The following DNAI7 variants were observed in gnomAD, a reference collection of about 807,000 sequenced individuals.
DNAI7 encodes the protein cancer susceptibility 1.
DNAI7 carries 78 observed loss-of-function variants against 86.6 expected under a neutral mutation model. The observed-to-expected ratio is 0.90, with a 90% CI of 0.75 to 1.09. DNAI7 has a LOEUF of 1.09. DNAI7 is among the 50% of genes least tolerant of loss of function. The pLI is 0.00. For synonymous variants in DNAI7, 274 were observed against 273.0 expected, an observed-to-expected ratio of 1.00 and a Z score of -0.04; for missense variants, 753 against 810.2, an observed-to-expected ratio of 0.93 and a Z score of 0.86.
At chr12:25,136,383 C>T (rs1423883435) in intron 9 of DNAI7, among the ~76,000 whole-genome samples, 2 of 152,114 alleles carry the variant, frequency 1.3e-5, no homozygotes, top group African/African-American at 4.8e-5. Context: ...AAGGGATCAC[C>T]CTGTGGGACA....
At chr12:25,188,535 T>C (rs1022222896) in intron 2 of DNAI7, among the ~76,000 whole-genome samples, 1 of 151,986 alleles carries the variant, frequency 6.6e-6, no homozygotes, top group African/African-American at 2.4e-5. Context: ...GAACACCTCA[T>C]CTCCAAACTG....
At chr12:25,177,424 T>C (rs1439801024) in intron 2 of DNAI7, among the ~76,000 whole-genome samples, 1 of 152,218 alleles carries the variant, frequency 6.6e-6, no homozygotes, top group African/African-American at 2.4e-5. Context: ...AATACAATAT[T>C]TGCCCTCATT....
chr12:25,150,481 G>A (rs921658049), intron 6 of DNAI7, among the ~76,000 whole-genome samples: 3 of 151,760 alleles, frequency 2.0e-5, no homozygotes, highest in Non-Finnish European at 4.4e-5. Flanking sequence ...GCGGGCGCCT[G>A]TAGGCCCAGC....
intron 13 of DNAI7, among the ~76,000 whole-genome samples, chr12:25,113,288 T>C (rs980339559): frequency 1.9e-5 from 2 of 103,744 alleles, no homozygotes; most frequent in African/African-American, 3.2e-5. Context: ...GCTGTTGTTG[T>C]TGTTGTTGTT....
chr12:25,114,952 C>G, intron 12 of DNAI7, 82 bp from the exon 13 acceptor site: 1 of 1,050,820 alleles, frequency 9.5e-7, no homozygotes, highest in Admixed American at 2.5e-5. Flanking sequence ...AAAAAAATTG[C>G]TTTGTGTATA....
chr12:25,114,095 G>A (rs933119808), intron 13 of DNAI7, among the ~76,000 whole-genome samples: 1 of 151,926 alleles, frequency 6.6e-6, no homozygotes, highest in Non-Finnish European at 1.5e-5. Flanking sequence ...ACAGGTGTGT[G>A]CCACCACGCC....
chr12:25,120,887 G>A (rs1393663142), intron 11 of DNAI7, among the ~76,000 whole-genome samples: 1 of 152,194 alleles, frequency 6.6e-6, no homozygotes, highest in Non-Finnish European at 1.5e-5. Flanking sequence ...GTGGACTGGT[G>A]ATTTTCAAAC....
chr12:25,161,704 T>G (rs10437762), intron 2 of DNAI7, among the ~76,000 whole-genome samples: 152,037 of 152,358 alleles, frequency 1, 75,860 homozygotes, highest in Non-Finnish European at 1. Context: ...TGTGCTCAAA[T>G]GATTTTTACC....
At position 25,154,349 on chromosome 12, in the gene DNAI7, T is replaced by C; in HGVS notation, c.408A>G (p.Glu136=). ...WKEKTNETFE[E]VIEKSKVVLN... ...GCACTACTTTACTCTTCTCAATCAC[T>C]TCCTCAAAAGTCTCATTTGTTTTCT... Residue 136 remains glutamate, a synonymous_variant, in exon 6 of 16, where the codon GAA becomes GAG. Transcript: ENST00000395987. The C allele has an allele frequency of 6.2e-7, 1 of 1,610,078 alleles. No individual in the cohort carries two copies. The highest frequency in any genetic ancestry group is 8.5e-7 in the Non-Finnish European group (1 of 1,179,118).
At chr12:25,190,667 A>C in intron 1 of DNAI7, 36 bp from the exon 2 acceptor site, 1 of 1,276,032 alleles carries the variant, frequency 7.8e-7, no homozygotes, top group South Asian at 1.5e-5. Flanking sequence ...GATCAATTTT[A>C]AAGACAATTC....
intron 8 of DNAI7, 80 bp downstream of exon 8, chr12:25,146,921 A>G: frequency 2.6e-6 from 2 of 761,066 alleles, no homozygotes; most frequent in Non-Finnish European, 4.6e-6. Flanking sequence ...CTGCTATGCA[A>G]TAGGCATCTA....
At position 25,114,716 on chromosome 12, in the gene DNAI7, A is replaced by T; in HGVS notation, c.1551T>A (p.Asp517Glu). ...PYQSWELRPL[D>E]VNKVLLTVTT... ...TCACAGTTAAAAGTACTTTATTTACATCAAGTGGTCTTAGTTCCCATGACT... is the reference window on the plus strand; with the variant it reads ...TCACAGTTAAAAGTACTTTATTTACTTCAAGTGGTCTTAGTTCCCATGACT... Residue 517 changes from aspartate (D) to glutamate (E), a missense_variant, in exon 13 of 16, where the codon GAT (aspartate) becomes GAA (glutamate). Asp to Glu is a conservative substitution (Grantham distance 45, BLOSUM62 2). Transcript: ENST00000395987. The T allele has an allele frequency of 1.2e-6, 2 of 1,614,020 alleles. No individual in the cohort carries two copies. The highest frequency in any genetic ancestry group is 1.3e-5 in the African/African-American group (1 of 75,070).
chr12:25,179,827 G>A (rs1353683341), intron 2 of DNAI7, among the ~76,000 whole-genome samples: 1 of 151,696 alleles, frequency 6.6e-6, no homozygotes, highest in Non-Finnish European at 1.5e-5. Flanking sequence ...CAAACCCACA[G>A]CCAACATCAT....
chr12:25,190,987 T>G (rs983268147), intron 1 of DNAI7, among the ~76,000 whole-genome samples: 8 of 152,336 alleles, frequency 5.3e-5, no homozygotes, highest in African/African-American at 1.9e-4. Context: ...TTTAAAGGGT[T>G]CAAAGGACAA....
chr12:25,148,347 A>T (rs1321571591), intron 7 of DNAI7, among the ~76,000 whole-genome samples: 1 of 151,992 alleles, frequency 6.6e-6, no homozygotes, highest in African/African-American at 2.4e-5. Flanking sequence ...TCTATCGAAG[A>T]CATATGATGT....
rs1949378477 is a variant in DNAI7, at chr12:25,108,358, A to C, written c.*190T>G. ...TCATAGAGTGAAAGCTGAAATTCTT[A>C]ACAGGCCAAGTATTCAAAGGAAAAA... On this transcript the variant is annotated 3_prime_UTR_variant, in exon 16 of 16. Transcript: ENST00000395987. 7.1e-6 allele frequency: 4 copies of C among 565,110 alleles called. No individual in the cohort carries two copies. The highest frequency in any genetic ancestry group is 1.2e-5 in the Non-Finnish European group (4 of 337,654). The allele number at this position is 565,110 out of a possible 1,614,324, so 35.0% of individuals were successfully genotyped here. A position where few individuals can be genotyped will look rare whatever the true frequency, so the allele number is the denominator to read the frequency against.
chr12:25,194,854 C>A (rs1434977531), intron 1 of DNAI7: 1 of 1,607,848 alleles, frequency 6.2e-7, no homozygotes, highest in Admixed American at 1.7e-5. Flanking sequence ...TTGACCATCT[C>A]CCGTTTGCAG....
At position 25,121,841 on chromosome 12, in the gene DNAI7, T is replaced by C; in HGVS notation, c.1151A>G (p.Gln384Arg). Residue 384 changes from glutamine to arginine, a missense_variant, in exon 11 of 16, where the codon CAG becomes CGG. Transcript: ENST00000395987. ...GTATACTCCACCCAGAGTTGTGAAC[T>C]GGCATAAATCCACCACATTGTCTTC... ...FFEDNVVDLC[Q>R]FTTLGGVYHL... 6.2e-7 allele frequency: 1 copy of C among 1,605,026 alleles called. No individual in the cohort carries two copies. The highest frequency in any genetic ancestry group is 8.5e-7 in the Non-Finnish European group (1 of 1,177,484).
Position 25,108,552 on chromosome 12 carries a change from G to A in DNAI7, c.2165C>T (p.Ser722Phe), listed in dbSNP as rs140036041. Reference protein sequence around the residue: ...MLLSTRLLSYS With the variant: ...MLLSTRLLSYF ...AATACAGTTTGTAAGTGGAGGTTAGGAGTAGCTGAGCAATCTGGTAGAGAG... is the reference window on the plus strand; with the variant it reads ...AATACAGTTTGTAAGTGGAGGTTAGAAGTAGCTGAGCAATCTGGTAGAGAG... The change falls in exon 16 of 16, where the codon TCC becomes TTC. Residue 722 changes from serine (S) to phenylalanine (F), a missense_variant. Transcript: ENST00000395987. 3.7e-6 allele frequency: 6 copies of A among 1,611,628 alleles called. No individual in the cohort carries two copies. In the African/African-American group the frequency reaches 8.0e-5, roughly 22 times the overall value.
Sources: gnomAD v4.1 joint callset for allele counts (sites outside exome capture counted in the v4.1 genomes callset) on GRCh38, gnomAD v4.1.1 for gene constraint, MANE v1.5 for transcripts, NCBI Gene and HGNC (gene_info 2026-07-23, HGNC 2026-07-21) for gene names.